GDAP2: variants seen among roughly 807,000 people sequenced by gnomAD.
GDAP2 encodes ganglioside-induced differentiation-associated protein 2.
Under a neutral mutation model 67.0 loss-of-function variants are expected in GDAP2, and 51 were observed. The observed-to-expected ratio is 0.76, with a 90% CI of 0.61 to 0.96. The LOEUF (loss-of-function observed/expected upper bound fraction) is 0.96, where lower values mean the gene tolerates loss of function less well. Among genes scored for constraint, GDAP2 ranks in the 40% least tolerant of loss-of-function variants. The pLI is 0.00. For synonymous variants in GDAP2, 203 were observed against 207.3 expected, an observed-to-expected ratio of 0.98 and a Z score of 0.18; for missense variants, 547 against 588.3, an observed-to-expected ratio of 0.93 and a Z score of 0.73.
At chr1:117,908,645 A>T (rs112248121) in intron 5 of GDAP2, among the ~76,000 whole-genome samples, 1 of 152,066 alleles carries the variant, frequency 6.6e-6, no homozygotes, top group African/African-American at 2.4e-5. Flanking sequence ...ACATAGCGAG[A>T]CCCTGTGTTT....
chr1:117,926,961 T>C (rs1650469911), intron 1 of GDAP2, among the ~76,000 whole-genome samples: 1 of 151,954 alleles, frequency 6.6e-6, no homozygotes, highest in Admixed American at 6.6e-5. Flanking sequence ...TGATCAGCTC[T>C]GTACTTTTAA....
intron 13 of GDAP2, 80 bp downstream of exon 13, chr1:117,877,929 G>A (rs1159896382): frequency 6.7e-7 from 1 of 1,490,272 alleles, no homozygotes; most frequent in East Asian, 2.4e-5. Flanking sequence ...GTAATGACAG[G>A]ATGTTGTGCT....
intron 6 of GDAP2, among the ~76,000 whole-genome samples, chr1:117,903,821 T>C (rs183703480): frequency 1.2e-4 from 18 of 152,192 alleles, no homozygotes; most frequent in African/African-American, 4.3e-4. Flanking sequence ...GAAGAAAACA[T>C]TTTGGAATCA....
intron 3 of GDAP2, among the ~76,000 whole-genome samples, chr1:117,915,813 T>C (rs1195607667): frequency 1.3e-5 from 2 of 152,208 alleles, no homozygotes; most frequent in Non-Finnish European, 2.9e-5. Context: ...TTAGTATTGA[T>C]GCTTAGATAC....
intron 8 of GDAP2, among the ~76,000 whole-genome samples, chr1:117,891,899 G>T (rs932454406): frequency 2.6e-5 from 4 of 152,076 alleles, no homozygotes; most frequent in Non-Finnish European, 5.9e-5. Context: ...TTTGTCCATA[G>T]TGTGAACACA....
intron 13 of GDAP2, among the ~76,000 whole-genome samples, chr1:117,876,049 G>A (rs550770776): frequency 6.6e-6 from 1 of 152,182 alleles, no homozygotes; most frequent in African/African-American, 2.4e-5. Context: ...ATGAGGTTTG[G>A]GTGGCTAGGG....
chr1:117,896,695 C>A, intron 8 of GDAP2, 138 bp downstream of exon 8: 1 of 563,150 alleles, frequency 1.8e-6, no homozygotes. Flanking sequence ...AAAATGAGGA[C>A]GATATCTTCC....
At chr1:117,881,407 A>G (rs1362399069) in intron 12 of GDAP2, among the ~76,000 whole-genome samples, 3 of 152,204 alleles carry the variant, frequency 2.0e-5, no homozygotes, top group African/African-American at 7.2e-5. Flanking sequence ...TAACAATGAT[A>G]TAAGACTACA....
intron 1 of GDAP2, among the ~76,000 whole-genome samples, chr1:117,928,016 A>G (rs1650515771): frequency 1.3e-5 from 2 of 152,212 alleles, no homozygotes; most frequent in South Asian, 4.1e-4. Flanking sequence ...ACCAACTCTT[A>G]TTAAAATCAT....
chr1:117,913,653 A>G (rs1367231852), intron 3 of GDAP2, among the ~76,000 whole-genome samples: 1 of 152,180 alleles, frequency 6.6e-6, no homozygotes. Flanking sequence ...GGACCTACAG[A>G]TAACTGGGGA....
chr1:117,886,153 C>T (rs1648844904), intron 10 of GDAP2, among the ~76,000 whole-genome samples: 1 of 152,040 alleles, frequency 6.6e-6, no homozygotes, highest in South Asian at 2.1e-4. Flanking sequence ...TATTTCTGTT[C>T]TTTGCCTCCA....
intron 6 of GDAP2, among the ~76,000 whole-genome samples, chr1:117,901,614 T>TA (rs1417873063): frequency 3.3e-5 from 5 of 152,266 alleles, no homozygotes; most frequent in Admixed American, 6.5e-5. Flanking sequence ...TCTCTAATGG[T>TA]TAATGGTGTG....
intron 10 of GDAP2, 64 bp from the exon 11 acceptor site, chr1:117,883,691 C>T (rs1172569077): frequency 1.7e-6 from 2 of 1,161,796 alleles, no homozygotes; most frequent in African/African-American, 1.6e-5. Context: ...TCACAGAGAC[C>T]AAGAAAAAAC....
intron 1 of GDAP2, among the ~76,000 whole-genome samples, chr1:117,922,549 G>C (rs1001120640): frequency 3.3e-5 from 5 of 152,168 alleles, no homozygotes; most frequent in African/African-American, 1.2e-4. Flanking sequence ...AGAAATAAAG[G>C]GAAAGAGTAC....
chr1:117,900,328 A>G (rs545401782), intron 6 of GDAP2, among the ~76,000 whole-genome samples: 1 of 152,288 alleles, frequency 6.6e-6, no homozygotes, highest in South Asian at 2.1e-4. Context: ...ACAAGGGGGT[A>G]CAATCACCAC....
chr1:117,926,960 C>G (rs1388030126), intron 1 of GDAP2, among the ~76,000 whole-genome samples: 1 of 151,222 alleles, frequency 6.6e-6, no homozygotes, highest in South Asian at 2.1e-4. Flanking sequence ...TTGATCAGCT[C>G]TGTACTTTTA....
intron 5 of GDAP2, among the ~76,000 whole-genome samples, chr1:117,911,519 T>A (rs968666730): frequency 1.3e-5 from 2 of 152,202 alleles, no homozygotes; most frequent in African/African-American, 4.8e-5. Flanking sequence ...CTAGCTGCTC[T>A]GAATCTATTC....
At chr1:117,877,194 C>G (rs1648491149) in intron 13 of GDAP2, 1 of 674,510 alleles carries the variant, frequency 1.5e-6, no homozygotes, top group African/African-American at 1.9e-5. Flanking sequence ...AAAATTATAG[C>G]TAAAGTTAGA....
intron 13 of GDAP2, among the ~76,000 whole-genome samples, chr1:117,873,273 C>G (rs1261231613): frequency 6.6e-6 from 1 of 152,138 alleles, no homozygotes; most frequent in African/African-American, 2.4e-5. Flanking sequence ...CTGAAATGGT[C>G]TCAGTATCAT....
Sources: allele counts gnomAD v4.1 joint callset (sites outside exome capture counted in the v4.1 genomes callset), GRCh38; gene constraint gnomAD v4.1.1; transcripts MANE v1.5; gene names NCBI Gene and HGNC (gene_info 2026-07-23, HGNC 2026-07-21).